Variants in KCNAB1 observed in about 807,000 individuals in gnomAD.
KCNAB1 encodes the protein potassium voltage-gated channel subfamily A regulatory beta subunit 1.
KCNAB1 carries 35 observed loss-of-function variants against 64.6 expected under a neutral mutation model. The ratio of observed to expected loss-of-function variants is 0.54; its 90% CI spans 0.41 to 0.72. The LOEUF (loss-of-function observed/expected upper bound fraction) is 0.72, where lower values mean the gene tolerates loss of function less well. Among genes scored for constraint, KCNAB1 ranks in the 30% least tolerant of loss-of-function variants. The pLI is 0.00. For synonymous variants in KCNAB1, 177 were observed against 183.8 expected (o/e 0.96, Z 0.30); for missense variants, 401 against 512.9 (o/e 0.78, Z 2.11).
chr3:156,184,819 C>A (rs1293459745), intron 1 of KCNAB1, among the ~76,000 whole-genome samples: 1 of 152,158 alleles, frequency 6.6e-6, no homozygotes, highest in Admixed American at 6.5e-5. Flanking sequence ...ATACCTGTTT[C>A]TCCTGTCTCT....
At chr3:156,337,758 C>G (rs1310860866) in intron 1 of KCNAB1, among the ~76,000 whole-genome samples, 1 of 152,024 alleles carries the variant, frequency 6.6e-6, no homozygotes, top group African/African-American at 2.4e-5. Flanking sequence ...GACTCAGCCT[C>G]GTGTGAAAGA....
intron 1 of KCNAB1, among the ~76,000 whole-genome samples, chr3:156,230,503 T>C (rs1388948997): frequency 6.6e-6 from 1 of 152,212 alleles, no homozygotes; most frequent in Non-Finnish European, 1.5e-5. Context: ...TCTCTGTTGC[T>C]AAGCAACATA....
At chr3:156,224,801 AT>A (rs1716044690) in intron 1 of KCNAB1, among the ~76,000 whole-genome samples, 1 of 152,216 alleles carries the variant, frequency 6.6e-6, no homozygotes, top group African/African-American at 2.4e-5. Flanking sequence ...ACACCTTTAC[AT>A]GCATAAACTA....
chr3:156,457,680 C>G, intron 4 of KCNAB1, 148 bp downstream of exon 4: 1 of 683,326 alleles, frequency 1.5e-6, no homozygotes. Context: ...ACCACCATTA[C>G]TAGAATTGGG....
intron 1 of KCNAB1, among the ~76,000 whole-genome samples, chr3:156,303,457 T>A (rs1343954078): frequency 6.6e-6 from 1 of 152,164 alleles, no homozygotes; most frequent in Non-Finnish European, 1.5e-5. Context: ...TCCTGGAGGC[T>A]GTAAGAGACA....
At chr3:156,479,607 T>C (rs1218131926) in intron 8 of KCNAB1, among the ~76,000 whole-genome samples, 1 of 152,174 alleles carries the variant, frequency 6.6e-6, no homozygotes, top group East Asian at 1.9e-4. Flanking sequence ...GATCTGAAAA[T>C]ATGATTTTTA....
chr3:156,336,195 A>G (rs906349774), intron 1 of KCNAB1, among the ~76,000 whole-genome samples: 4 of 152,144 alleles, frequency 2.6e-5, no homozygotes, highest in African/African-American at 9.7e-5. Context: ...CCCCGACTCT[A>G]CTAAAAATAC....
chr3:156,195,267 G>A (rs1207510410), intron 1 of KCNAB1, among the ~76,000 whole-genome samples: 1 of 152,168 alleles, frequency 6.6e-6, no homozygotes, highest in East Asian at 1.9e-4. Flanking sequence ...TGTCTTTATA[G>A]TAGAATGATT....
At chr3:156,481,646 CGTCT>C (rs1326610784) in intron 8 of KCNAB1, among the ~76,000 whole-genome samples, 1 of 152,056 alleles carries the variant, frequency 6.6e-6, no homozygotes, top group Admixed American at 6.6e-5. Flanking sequence ...ATCTCAAGTT[CGTCT>C]GTTTAGAAAA....
intron 1 of KCNAB1, among the ~76,000 whole-genome samples, chr3:156,289,998 C>G (rs547188357): frequency 6.6e-6 from 1 of 152,120 alleles, no homozygotes; most frequent in African/African-American, 2.4e-5. Flanking sequence ...CTAGGAGGGT[C>G]GCCTGGGCAC....
chr3:156,490,986 T>C (rs920820104), intron 8 of KCNAB1, among the ~76,000 whole-genome samples: 6 of 152,098 alleles, frequency 3.9e-5, no homozygotes, highest in Admixed American at 6.6e-5. Context: ...AGAAAAAAGA[T>C]TGCTGGATTC....
intron 1 of KCNAB1, among the ~76,000 whole-genome samples, chr3:156,254,983 G>A (rs545424192): frequency 1.8e-3 from 269 of 152,332 alleles, no homozygotes; most frequent in Non-Finnish European, 1.6e-3. Flanking sequence ...ACAGCAGAAT[G>A]TGGAGATTAA....
intron 10 of KCNAB1, among the ~76,000 whole-genome samples, chr3:156,515,506 A>C (rs73166594): frequency 0.091 from 13,797 of 152,186 alleles, 693 homozygotes; most frequent in Middle Eastern, 0.2. Flanking sequence ...TACTGAATAA[A>C]AGGAACAACC....
intron 1 of KCNAB1, among the ~76,000 whole-genome samples, chr3:156,417,729 A>G (rs1715176248): frequency 6.6e-6 from 1 of 152,164 alleles, no homozygotes; most frequent in Admixed American, 6.5e-5. Flanking sequence ...GAAAAAAAAA[A>G]AAAGCCTGGT....
At chr3:156,181,035 T>C (rs1469202642) in intron 1 of KCNAB1, among the ~76,000 whole-genome samples, 1 of 152,214 alleles carries the variant, frequency 6.6e-6, no homozygotes, top group Non-Finnish European at 1.5e-5. Context: ...GGTTGTGTCC[T>C]CATATGGCCA....
chr3:156,371,202 A>G (rs1184713954), intron 1 of KCNAB1, among the ~76,000 whole-genome samples: 1 of 152,160 alleles, frequency 6.6e-6, no homozygotes, highest in Non-Finnish European at 1.5e-5. Context: ...ATCTGCCCTC[A>G]AGGGGTCAAG....
chr3:156,395,346 C>T (rs981172064), intron 1 of KCNAB1, among the ~76,000 whole-genome samples: 12 of 149,008 alleles, frequency 8.1e-5, no homozygotes, highest in African/African-American at 3.1e-4. Context: ...GAGATCGAGA[C>T]CATCCCGGCT....
rs79790904 is a variant in KCNAB1 at position 156,379,577 on chromosome 3, G to A, written c.276-42039G>A. Among the ~76,000 whole-genome samples, 1,289 of 152,258 alleles carry A rather than the reference G, an allele frequency of 8.5e-3. 11 individuals carry two copies. The highest frequency in any genetic ancestry group is 0.021 in the Admixed American group (316 of 15,296). On this transcript the variant is annotated intron_variant, in intron 1 of 13. Coordinates refer to ENST00000490337, the MANE Select transcript of KCNAB1 (RefSeq NM_172160.3). ...CTGTGCAAATGTCTGCAGCAGGAGT[G>A]TGCCCAGCATGTTAAGAAAAAGCAA...
chr3:156,367,171 C>CTTTTTTTTTTTTTTTTTT (rs9331286), intron 1 of KCNAB1, among the ~76,000 whole-genome samples: 1 of 118,418 alleles, frequency 8.4e-6, no homozygotes. Flanking sequence ...AGTAATCTAC[C>CTTTTTTTTTTTTTTTTTT]TTTTTTTTTT....
Sources: gnomAD v4.1 joint callset for allele counts (sites outside exome capture counted in the v4.1 genomes callset) on GRCh38, gnomAD v4.1.1 for gene constraint, MANE v1.5 for transcripts, NCBI Gene and HGNC (gene_info 2026-07-23, HGNC 2026-07-21) for gene names.